PCDHA3: variants seen among roughly 807,000 people sequenced by gnomAD.
The protein encoded by PCDHA3 is protocadherin alpha 3.
In PCDHA3, 41 loss-of-function variants were observed where a neutral mutation model predicts 62.2. The observed-to-expected ratio is 0.66, with a 90% confidence interval of 0.51 to 0.86. PCDHA3 has a LOEUF of 0.86. Among genes scored for constraint, PCDHA3 ranks in the 40% least tolerant of loss-of-function variants. The pLI is 0.00. For synonymous variants in PCDHA3, 640 were observed against 555.4 expected, an observed-to-expected ratio of 1.15 and a Z score of -2.14; for missense variants, 1,304 against 1,241.2, an observed-to-expected ratio of 1.05 and a Z score of -0.76.
intron 1 of PCDHA3, chr5:140,967,575 C>T: frequency 6.2e-7 from 1 of 1,614,156 alleles, no homozygotes. Context: ...CGGGAGGACT[C>T]ACCCCCAGGC....
intron 1 of PCDHA3, chr5:140,817,499 T>C (rs1278332706): frequency 6.6e-6 from 1 of 152,240 alleles, no homozygotes; most frequent in African/African-American, 2.4e-5. Context: ...CTATATATGC[T>C]TTTACAAATT....
chr5:140,931,136 C>T (rs2087318079), intron 1 of PCDHA3, among the ~76,000 whole-genome samples: 1 of 152,166 alleles, frequency 6.6e-6, no homozygotes, highest in African/African-American at 2.4e-5. Context: ...GTGATATTTG[C>T]AGTGGATACT....
At chr5:140,876,907 G>A (rs782597420) in intron 1 of PCDHA3, 1 of 1,614,022 alleles carries the variant, frequency 6.2e-7, no homozygotes, top group Admixed American at 1.7e-5. Flanking sequence ...CACGGTGTCG[G>A]CATGGGACGC....
At chr5:140,958,946 ATAT>A (rs34256413) in intron 1 of PCDHA3, among the ~76,000 whole-genome samples, 85,222 of 151,486 alleles carry the variant, frequency 0.56, 24,557 homozygotes, top group African/African-American at 0.69. Flanking sequence ...TAATAATATT[ATAT>A]TATTATAATT....
At chr5:140,839,814 T>A (rs2150301148) in intron 1 of PCDHA3, among the ~76,000 whole-genome samples, 9,024 of 152,086 alleles carry the variant, frequency 0.059, 964 homozygotes, top group African/African-American at 0.21. Flanking sequence ...AATTGCCTAC[T>A]ATGAAGGCAT....
intron 1 of PCDHA3, among the ~76,000 whole-genome samples, chr5:140,873,038 G>A (rs1304592086): frequency 1.3e-5 from 2 of 152,120 alleles, no homozygotes; most frequent in Admixed American, 6.5e-5. Context: ...CACGTAGAGT[G>A]GTGGTATTAC....
At chr5:140,954,591 G>A (rs951330274) in intron 1 of PCDHA3, among the ~76,000 whole-genome samples, 3 of 152,062 alleles carry the variant, frequency 2.0e-5, no homozygotes, top group Non-Finnish European at 2.9e-5. Context: ...GTCTGTTCAT[G>A]TTCTTTGCCC....
chr5:140,828,364 C>T (rs1769717460), intron 1 of PCDHA3: 1 of 1,614,276 alleles, frequency 6.2e-7, no homozygotes, highest in Non-Finnish European at 8.5e-7. Flanking sequence ...CTCGGATCGA[C>T]CGCGAGGAGC....
At chr5:140,870,930 A>C (rs373236202) in intron 1 of PCDHA3, 10 of 1,613,732 alleles carry the variant, frequency 6.2e-6, no homozygotes, top group Non-Finnish European at 8.5e-6. Flanking sequence ...TTTCATATGA[A>C]TTGCAGCCGG....
intron 1 of PCDHA3, among the ~76,000 whole-genome samples, chr5:140,961,949 T>G (rs868952671): frequency 2.0e-5 from 3 of 151,876 alleles, no homozygotes; most frequent in Non-Finnish European, 4.4e-5. Context: ...AGTGGCATGA[T>G]CTCGGCTCAC....
intron 1 of PCDHA3, chr5:140,870,757 GT>G: frequency 6.2e-7 from 1 of 1,613,572 alleles, no homozygotes; most frequent in Non-Finnish European, 8.5e-7. Context: ...GACGCTGCAG[GT>G]GTTCGTGCTG....
rs782443702 is a variant in PCDHA3 at position 140,824,610 on chromosome 5, G to GTTTTTTTTTTTTTTTTTTT, written c.2394+21023_2394+21041dup. 21 of 95,112 alleles carry GTTTTTTTTTTTTTTTTTTT rather than the reference G, an allele frequency of 2.2e-4. 4 individuals carry two copies. Among genetic ancestry groups the GTTTTTTTTTTTTTTTTTTT allele is most frequent in the Middle Eastern group, 6.7e-3 (1 of 150 alleles). 5.9% of individuals were successfully genotyped at this position (95,112 alleles called of 1,614,324 possible). A position where few individuals can be genotyped will look rare whatever the true frequency, so the allele number is the denominator to read the frequency against. On this transcript the variant is annotated intron_variant, in intron 1 of 3. Transcript: ENST00000522353. ...GGACTACATGCACATGCTAATTAAA[G>GTTTTTTTTTTTTTTTTTTT]TTTTTTTTTTTTTTTTTTTTTTATT...
intron 1 of PCDHA3, chr5:140,877,311 G>C (rs200978234): frequency 6.3e-5 from 101 of 1,613,852 alleles, no homozygotes; most frequent in Non-Finnish European, 7.9e-5. Context: ...AGTTGCAACC[G>C]GCGGCGGTCG....
chr5:141,000,743 TA>T (rs527867626), intron 3 of PCDHA3, among the ~76,000 whole-genome samples: 276 of 145,094 alleles, frequency 1.9e-3, no homozygotes, highest in Admixed American at 4.4e-3. Context: ...CTCTGTATAT[TA>T]AAAAAAAAAA....
chr5:140,823,876 A>T lies in PCDHA3; in HGVS notation c.2394+20285A>T, dbSNP rs1311118204. The T allele has an allele frequency of 6.2e-7, 1 of 1,613,886 alleles. No homozygotes were observed. Among genetic ancestry groups the T allele is most frequent in the Non-Finnish European group, 8.5e-7 (1 of 1,179,914 alleles). On this transcript the variant is annotated intron_variant, in intron 1 of 3. Transcript: ENST00000522353. ...GGTGGATGTCAACGTGTACCTGATC[A>T]TCGCCATCTGTGCGGTGTCCAGCCT...
At chr5:140,848,863 T>G (rs1581167323) in intron 1 of PCDHA3, 1 of 1,589,778 alleles carries the variant, frequency 6.3e-7, no homozygotes, top group African/African-American at 1.4e-5. Context: ...GACGTGGAGG[T>G]GAAGGACATT....
intron 1 of PCDHA3, among the ~76,000 whole-genome samples, chr5:140,894,265 C>A (rs1328152615): frequency 6.6e-6 from 1 of 151,796 alleles, no homozygotes; most frequent in East Asian, 1.9e-4. Context: ...CAAGTGGTAG[C>A]TTATTTACAA....
intron 1 of PCDHA3, among the ~76,000 whole-genome samples, chr5:140,911,931 T>C (rs1057514341): frequency 1.8e-4 from 28 of 152,134 alleles, no homozygotes; most frequent in African/African-American, 6.8e-4. Context: ...ACTAATAGGA[T>C]AGATGTATAT....
At chr5:140,897,667 A>G (rs2066254740) in intron 1 of PCDHA3, among the ~76,000 whole-genome samples, 1 of 152,134 alleles carries the variant, frequency 6.6e-6, no homozygotes, top group Non-Finnish European at 1.5e-5. Context: ...ATGTGTCTTT[A>G]TAGCAGCATG....
Sources: allele counts gnomAD v4.1 joint callset (sites outside exome capture counted in the v4.1 genomes callset), GRCh38; gene constraint gnomAD v4.1.1; transcripts MANE v1.5; gene names NCBI Gene and HGNC (gene_info 2026-07-23, HGNC 2026-07-21).